The following EYS variants were observed in gnomAD, a reference collection of about 807,000 sequenced individuals.
EYS encodes EGF-like photoreceptor maintenance factor, also known as protein eyes shut homolog.
In EYS, 250 loss-of-function variants were observed where a neutral mutation model predicts 282.1. The ratio of observed to expected loss-of-function variants is 0.89; its 90% CI spans 0.80 to 0.98. The LOEUF (loss-of-function observed/expected upper bound fraction) is 0.98. Among genes scored for constraint, EYS ranks in the 50% least tolerant of loss-of-function variants. The pLI is 0.00. For missense variants in EYS, 4,016 were observed against 3,709.0 expected (o/e 1.08, Z -2.15); for synonymous variants, 1,355 against 1,282.9 (o/e 1.06, Z -1.20).
At chr6:65,391,348 G>T (rs2150356478) in intron 7 of EYS, among the ~76,000 whole-genome samples, 1 of 152,166 alleles carries the variant, frequency 6.6e-6, no homozygotes, top group South Asian at 2.1e-4. Flanking sequence ...AGAAACTGAA[G>T]TTAAAAACTA....
chr6:64,269,435 T>A (rs900993525), intron 30 of EYS, among the ~76,000 whole-genome samples: 3 of 152,142 alleles, frequency 2.0e-5, no homozygotes, highest in African/African-American at 7.2e-5. Flanking sequence ...AATCAATCTT[T>A]TTTTTAATCT....
chr6:63,931,812 A>G (rs1214652810), intron 35 of EYS, among the ~76,000 whole-genome samples: 2 of 152,202 alleles, frequency 1.3e-5, no homozygotes, highest in Admixed American at 6.5e-5. Flanking sequence ...TTTTTAAAGC[A>G]TATAATAAAT....
intron 12 of EYS, among the ~76,000 whole-genome samples, chr6:65,229,848 C>T (rs142461238): frequency 3.3e-5 from 5 of 152,042 alleles, no homozygotes; most frequent in African/African-American, 1.2e-4. Flanking sequence ...AGACAATTCT[C>T]CTTTATTGTG....
chr6:64,673,674 A>G (rs549526793), intron 22 of EYS, among the ~76,000 whole-genome samples: 5 of 152,176 alleles, frequency 3.3e-5, no homozygotes, highest in African/African-American at 1.2e-4. Context: ...TGGATGTGAT[A>G]TTTTCTGCTA....
chr6:65,552,664 T>C (rs1768640100), intron 2 of EYS, among the ~76,000 whole-genome samples: 1 of 152,180 alleles, frequency 6.6e-6, no homozygotes, highest in Non-Finnish European at 1.5e-5. Flanking sequence ...ATTTATTTAA[T>C]GCCCAGGAAC....
At chr6:64,019,994 T>C (rs1769108471) in intron 33 of EYS, among the ~76,000 whole-genome samples, 1 of 151,754 alleles carries the variant, frequency 6.6e-6, no homozygotes, top group African/African-American at 2.4e-5. Context: ...CAATAGTGTA[T>C]CTCCTCTTAA....
intron 23 of EYS, among the ~76,000 whole-genome samples, chr6:64,619,483 C>A (rs889089183): frequency 6.6e-6 from 1 of 150,990 alleles, no homozygotes; most frequent in African/African-American, 2.4e-5. Flanking sequence ...GGTGAGCTAA[C>A]AGAAAAGTAC....
At chr6:64,448,618 A>G (rs1775205924) in intron 26 of EYS, among the ~76,000 whole-genome samples, 1 of 152,144 alleles carries the variant, frequency 6.6e-6, no homozygotes, top group African/African-American at 2.4e-5. Flanking sequence ...GTAGGGGCGG[A>G]CTGACATCTC....
At chr6:65,013,273 C>T (rs1181755018) in intron 13 of EYS, among the ~76,000 whole-genome samples, 1 of 152,098 alleles carries the variant, frequency 6.6e-6, no homozygotes, top group Non-Finnish European at 1.5e-5. Context: ...AGAAAATACT[C>T]ATGATATTTT....
chr6:64,996,640 ACT>A (rs67939980), intron 14 of EYS, among the ~76,000 whole-genome samples: 10,301 of 152,176 alleles, frequency 0.068, 439 homozygotes, highest in East Asian at 0.13. Context: ...CTCTGGAGTA[ACT>A]CTGTTTCTGG....
chr6:64,296,420 G>A (rs1768989727), intron 30 of EYS, among the ~76,000 whole-genome samples: 1 of 151,676 alleles, frequency 6.6e-6, no homozygotes, highest in South Asian at 2.1e-4. Flanking sequence ...AACATGCTAT[G>A]CTATATTATT....
Position 64,838,755 on chromosome 6 carries a change from T to C in EYS, c.2993-15933A>G, listed in dbSNP as rs181702792. On this transcript the variant is annotated intron_variant, in intron 19 of 42. Coordinates refer to ENST00000503581, the MANE Select transcript of EYS (RefSeq NM_001142800.2). ...AGAATTGGTAGACATTATCTTTCCA[T>C]AAATTTCCTGTGGAGTTGTAGAACT... 3.2e-3 allele frequency among the ~76,000 whole-genome samples: 488 copies of C among 152,140 alleles called. 3 individuals carry two copies. Among genetic ancestry groups the C allele is most frequent in the South Asian group, 0.023 (109 of 4,832 alleles).
rs867083535 is a variant in EYS, at chr6:65,661,828, C to G, written c.-447-21936G>C. On this transcript the variant is annotated intron_variant, in intron 1 of 42. Transcript: ENST00000503581. ...TCTGGTTTGGTTAGAGAATAGAATA[C>G]AAAATGGCAGCTATTCTTGGAAAAT... Among the ~76,000 whole-genome samples the G allele has an allele frequency of 5.9e-5, 9 of 152,224 alleles. No individual in the cohort carries two copies. In the South Asian group the frequency reaches 1.9e-3, roughly 32 times the overall value.
chr6:65,320,181 T>C (rs1582138254), intron 11 of EYS, among the ~76,000 whole-genome samples: 1 of 149,140 alleles, frequency 6.7e-6, no homozygotes, highest in Non-Finnish European at 1.5e-5. Context: ...ACAAAATGGA[T>C]GGGGACTACA....
intron 33 of EYS, among the ~76,000 whole-genome samples, chr6:64,055,391 A>C (rs1024250036): frequency 6.6e-6 from 1 of 152,172 alleles, no homozygotes; most frequent in Non-Finnish European, 1.5e-5. Flanking sequence ...TGATATTCAC[A>C]GAAGCCTATA....
In EYS at chr6:64,757,742, CTTTGTGTGTGTG is replaced by C. The variant is rs1307649430; in HGVS notation, c.3443+55624_3443+55635del. Among the ~76,000 whole-genome samples the C allele has an allele frequency of 2.0e-4, 13 of 63,920 alleles. No homozygotes were observed. The East Asian group carries it at 0.011, about 56-fold the overall frequency. 41.9% of individuals were successfully genotyped at this position (63,920 alleles called of 152,430 possible). ...AAAGATTAATTTTTTTTCTTTTTTT[CTTTGTGTGTGTG>C]TGTGTGTGTGTGTGTGTGTGTGTGT... On this transcript the variant is annotated intron_variant, in intron 22 of 42. Transcript: ENST00000503581.
chr6:64,603,097 GT>G (rs1407556421), intron 24 of EYS, among the ~76,000 whole-genome samples: 1 of 152,026 alleles, frequency 6.6e-6, no homozygotes, highest in Admixed American at 6.6e-5. Context: ...CCACAAGATA[GT>G]GCCTCCAGGT....
rs540077433 is a variant in EYS, at chr6:64,524,899, C to T, written c.5644+65324G>A. ...CAGACACTTTTCAAAAGAAGACATA[C>T]ACATGGCCAACAAGCATATGAAGAA... On this transcript the variant is annotated intron_variant, in intron 26 of 42. Transcript: ENST00000503581. Among the ~76,000 whole-genome samples, 3 of 151,824 alleles carry T rather than the reference C, an allele frequency of 2.0e-5. No homozygotes were observed. In the East Asian group the frequency reaches 5.8e-4, roughly 29 times the overall value.
chr6:64,671,604 T>C lies in EYS; in HGVS notation c.3444-45359A>G, dbSNP rs73440804. Among the ~76,000 whole-genome samples, 664 of 152,298 alleles carry C rather than the reference T, an allele frequency of 4.4e-3. 4 individuals carry two copies. Among genetic ancestry groups the C allele is most frequent in the African/African-American group, 0.015 (612 of 41,558 alleles). ...AGGAAGGAGCTTCAACCTGGTTATA[T>C]TTTGTTTTTAAGACACTCTAAACTG... On this transcript the variant is annotated intron_variant, in intron 22 of 42. Coordinates refer to ENST00000503581, the MANE Select transcript of EYS (RefSeq NM_001142800.2).
Sources: allele counts gnomAD v4.1 joint callset (sites outside exome capture counted in the v4.1 genomes callset), GRCh38; gene constraint gnomAD v4.1.1; transcripts MANE v1.5; gene names NCBI Gene and HGNC (gene_info 2026-07-23, HGNC 2026-07-21).